The following RANBP17 variants were observed in gnomAD, a reference collection of about 807,000 sequenced individuals.
RANBP17 encodes RAN binding protein 17.
In RANBP17, 158 loss-of-function variants were observed where a neutral mutation model predicts 141.2. That is an observed-to-expected ratio of 1.12 (90% CI 0.98 to 1.28). The LOEUF (loss-of-function observed/expected upper bound fraction) is 1.28. Among genes scored for constraint, RANBP17 ranks in the 50% most tolerant of loss-of-function variants. RANBP17 has a pLI of 0.00. For missense variants in RANBP17, 1,438 were observed against 1,290.7 expected (o/e 1.11, Z -1.75); for synonymous variants, 430 against 450.0 (o/e 0.96, Z 0.56).
At chr5:170,887,842 AAG>A (rs138533359) in intron 3 of RANBP17, among the ~76,000 whole-genome samples, 3,993 of 152,214 alleles carry the variant, frequency 0.026, 170 homozygotes, top group African/African-American at 0.09. Context: ...GAGAAGGCAA[AAG>A]AGAGTGACAA....
At chr5:171,175,269 T>C (rs1157547713) in intron 16 of RANBP17, among the ~76,000 whole-genome samples, 1 of 152,212 alleles carries the variant, frequency 6.6e-6, no homozygotes, top group African/African-American at 2.4e-5. Flanking sequence ...TACGTGTGCA[T>C]GTGTCTTTAC....
At chr5:171,207,906 A>G (rs1360357731) in intron 20 of RANBP17, 1 of 152,242 alleles carries the variant, frequency 6.6e-6, no homozygotes, top group Non-Finnish European at 1.5e-5. Context: ...TACTTTAAGC[A>G]GTTTCAGGTG....
intron 14 of RANBP17, among the ~76,000 whole-genome samples, chr5:171,071,307 AATC>A (rs1189339971): frequency 6.6e-6 from 1 of 152,100 alleles, no homozygotes; most frequent in Non-Finnish European, 1.5e-5. Flanking sequence ...TATTCAGTGT[AATC>A]ATGATCAAAA....
At chr5:171,273,323 G>T (rs1373338943) in intron 25 of RANBP17, among the ~76,000 whole-genome samples, 1 of 151,656 alleles carries the variant, frequency 6.6e-6, no homozygotes, top group African/African-American at 2.4e-5. Flanking sequence ...CATTCTTAAG[G>T]TCTGAATCTA....
chr5:171,184,938 G>A (rs1345996817), intron 18 of RANBP17, among the ~76,000 whole-genome samples: 1 of 152,118 alleles, frequency 6.6e-6, no homozygotes, highest in African/African-American at 2.4e-5. Context: ...TGAGGCGGGT[G>A]GATCACCTGA....
rs562327571 is a variant in RANBP17, at chr5:171,183,430, G to A, written c.2038G>A (p.Gly680Ser). 6.2e-7 allele frequency: 1 copy of A among 1,606,298 alleles called. No individual in the cohort carries two copies. The highest frequency in any genetic ancestry group is 2.2e-5 in the East Asian group (1 of 44,810). The change falls in exon 18 of 28, where the codon GGT becomes AGT. Residue 680 changes from glycine to serine, a missense_variant and splice_region_variant. Physicochemically the swap from Gly to Ser is moderately conservative, Grantham distance 56. Transcript: ENST00000523189. ...ALTRLLMVDLGEDEDEFENFM... is the reference protein window; with the variant it reads ...ALTRLLMVDLSEDEDEFENFM... Reference sequence around the variant, plus strand: ...CACTCGCCTTCTGATGGTAGATCTGGGTAAGGTTAAGAATTTAAACTCAAT... The same window carrying A: ...CACTCGCCTTCTGATGGTAGATCTGAGTAAGGTTAAGAATTTAAACTCAAT...
chr5:171,192,393 G>A (rs1761708525), intron 18 of RANBP17, among the ~76,000 whole-genome samples: 1 of 152,200 alleles, frequency 6.6e-6, no homozygotes, highest in Non-Finnish European at 1.5e-5. Context: ...ACAGTCCAGA[G>A]CACCCCAGGG....
At chr5:171,063,266 C>T (rs1784039796) in intron 14 of RANBP17, among the ~76,000 whole-genome samples, 1 of 152,176 alleles carries the variant, frequency 6.6e-6, no homozygotes, top group Non-Finnish European at 1.5e-5. Context: ...TTTTTCTGCT[C>T]TGTTTTTTCC....
At position 170,916,471 on chromosome 5, in the gene RANBP17, T is replaced by G; in HGVS notation, c.841T>G (p.Ser281Ala). The G allele has an allele frequency of 6.4e-7, 1 of 1,554,840 alleles. No homozygotes were observed. Among genetic ancestry groups the G allele is most frequent in the Non-Finnish European group, 8.7e-7 (1 of 1,149,318 alleles). The change falls in exon 9 of 28, where the codon TCA (serine) becomes GCA (alanine). Residue 281 changes from serine (S) to alanine (A), a missense_variant. Physicochemically the swap from Ser to Ala is moderately conservative, Grantham distance 99. Transcript: ENST00000523189. ...LPPLLSQLAL[S>A]CLVQFASTRR... ...TTTTTTTGGTATTTTTTAGGCACTT[T>G]CATGTTTAGTTCAGTTTGCTTCGAC...
chr5:171,265,530 C>G (rs1365392746), intron 24 of RANBP17, 151 bp from the exon 25 acceptor site: 12 of 719,650 alleles, frequency 1.7e-5, no homozygotes, highest in Non-Finnish European at 2.5e-5. Context: ...AACTCTGTCT[C>G]AAAAAAACAA....
intron 20 of RANBP17, chr5:171,206,887 C>G (rs1762610866): frequency 5.4e-6 from 1 of 185,506 alleles, no homozygotes; most frequent in South Asian, 2.0e-4. Context: ...TGGTTTTTAT[C>G]TACATATAAT....
At chr5:171,118,432 A>G (rs1755795468) in intron 14 of RANBP17, among the ~76,000 whole-genome samples, 1 of 152,118 alleles carries the variant, frequency 6.6e-6, no homozygotes, top group African/African-American at 2.4e-5. Flanking sequence ...ATTTCTGTGA[A>G]GAATGTCATT....
intron 14 of RANBP17, among the ~76,000 whole-genome samples, chr5:171,006,289 A>C (rs1035402678): frequency 6.6e-6 from 1 of 152,216 alleles, no homozygotes; most frequent in Non-Finnish European, 1.5e-5. Flanking sequence ...ATAAAAACAC[A>C]TGCACACGTA....
intron 25 of RANBP17, among the ~76,000 whole-genome samples, chr5:171,274,974 C>G (rs1161595481): frequency 1.3e-5 from 2 of 152,082 alleles, no homozygotes; most frequent in East Asian, 3.9e-4. Flanking sequence ...AGAGGAACCC[C>G]CTTCCCAACC....
At chr5:170,921,620 C>T (rs10050970) in intron 11 of RANBP17, among the ~76,000 whole-genome samples, 102,147 of 151,654 alleles carry the variant, frequency 0.67, 34,565 homozygotes, top group South Asian at 0.9. Flanking sequence ...TCCAATTCTG[C>T]GAAGAAAGTC....
intron 18 of RANBP17, among the ~76,000 whole-genome samples, chr5:171,198,723 C>G (rs1307193557): frequency 1.3e-5 from 2 of 152,156 alleles, no homozygotes; most frequent in African/African-American, 2.4e-5. Context: ...CTCATTTCCT[C>G]TCTAATACTC....
chr5:171,262,829 A>G (rs1382601990), intron 24 of RANBP17, among the ~76,000 whole-genome samples: 2 of 152,162 alleles, frequency 1.3e-5, no homozygotes, highest in African/African-American at 4.8e-5. Context: ...AGTTTTCCAA[A>G]ACTATGGTCC....
chr5:171,171,158 G>A, intron 15 of RANBP17, 48 bp from the exon 16 acceptor site: 1 of 1,024,172 alleles, frequency 9.8e-7, no homozygotes, highest in Non-Finnish European at 1.5e-6. Flanking sequence ...GTTCTCCTTA[G>A]ACAAGCAAAT....
At chr5:171,220,891 G>A (rs1763516148) in intron 21 of RANBP17, among the ~76,000 whole-genome samples, 1 of 152,122 alleles carries the variant, frequency 6.6e-6, no homozygotes, top group Admixed American at 6.6e-5. Context: ...TTGTATGCCA[G>A]CAATCATGTT....
Sources: allele counts gnomAD v4.1 joint callset (sites outside exome capture counted in the v4.1 genomes callset), GRCh38; gene constraint gnomAD v4.1.1; transcripts MANE v1.5; gene names NCBI Gene and HGNC (gene_info 2026-07-23, HGNC 2026-07-21).